The following FER variants were observed in gnomAD, a reference collection of about 807,000 sequenced individuals.
The protein encoded by FER is FER tyrosine kinase.
FER carries 63 observed loss-of-function variants against 111.0 expected under a neutral mutation model. The ratio of observed to expected loss-of-function variants is 0.57; its 90% CI spans 0.46 to 0.70. The LOEUF (loss-of-function observed/expected upper bound fraction) is 0.70. Ranked by LOEUF, FER falls within the 30% of genes least tolerant of loss-of-function variation. The pLI, the probability that FER is intolerant of heterozygous loss-of-function variation, is 0.00. For missense variants in FER, 914 were observed against 954.0 expected, an observed-to-expected ratio of 0.96 and a Z score of 0.55; for synonymous variants, 327 against 313.9, an observed-to-expected ratio of 1.04 and a Z score of -0.44.
At chr5:109,095,289 G>A (rs903849501) in intron 16 of FER, among the ~76,000 whole-genome samples, 1 of 152,060 alleles carries the variant, frequency 6.6e-6, no homozygotes, top group African/African-American at 2.4e-5. Flanking sequence ...AGGAAAGCCA[G>A]TATGTTTTTG....
intron 10 of FER, among the ~76,000 whole-genome samples, chr5:108,926,926 GAAGT>G (rs1383176367): frequency 1.3e-5 from 2 of 152,094 alleles, no homozygotes; most frequent in Non-Finnish European, 2.9e-5. Context: ...ATTTTAGGCA[GAAGT>G]TGTCCTTTTA....
At chr5:109,034,650 T>TTTAG (rs1770109722) in intron 13 of FER, among the ~76,000 whole-genome samples, 1 of 152,080 alleles carries the variant, frequency 6.6e-6, no homozygotes, top group South Asian at 2.1e-4. Flanking sequence ...TAAATGGATG[T>TTTAG]TTAGGGGTTT....
chr5:108,782,100 C>T (rs1370320806), intron 2 of FER, among the ~76,000 whole-genome samples: 2 of 152,138 alleles, frequency 1.3e-5, no homozygotes, highest in South Asian at 4.1e-4. Flanking sequence ...TTTTCCTACC[C>T]TGCACTGGTT....
Position 109,047,721 on chromosome 5 carries a change from C to T in FER, c.1924+523C>T, listed in dbSNP as rs559519815. Among the ~76,000 whole-genome samples the T allele has an allele frequency of 1.2e-4, 18 of 152,174 alleles. No homozygotes were observed. The East Asian group carries it at 2.9e-3, about 24-fold the overall frequency. ...AAGTGCTGGGATTACAGACATGAGCCGCAGCACCCTGCAAAACCTCTTTTT... is the reference window on the plus strand; with the variant it reads ...AAGTGCTGGGATTACAGACATGAGCTGCAGCACCCTGCAAAACCTCTTTTT... On this transcript the variant is annotated intron_variant, in intron 16 of 19. Coordinates refer to ENST00000281092, the MANE Select transcript of FER (RefSeq NM_005246.4).
rs115895103 is a variant in FER at position 109,059,320 on chromosome 5, C to G, written c.1924+12122C>G. ...AGCTTTTAAGAATTATGGGATTTCTCAAGACCATCCTGGCCAACATGGTGA... is the reference window on the plus strand; with the variant it reads ...AGCTTTTAAGAATTATGGGATTTCTGAAGACCATCCTGGCCAACATGGTGA... On this transcript the variant is annotated intron_variant, in intron 16 of 19. Coordinates refer to ENST00000281092, the MANE Select transcript of FER (RefSeq NM_005246.4). Among the ~76,000 whole-genome samples the G allele has an allele frequency of 9.8e-3, 1,476 of 150,934 alleles. 17 individuals are homozygous for G. Among genetic ancestry groups the G allele is most frequent in the African/African-American group, 0.034 (1,400 of 41,044 alleles).
At chr5:108,781,930 T>A (rs961200115) in intron 2 of FER, among the ~76,000 whole-genome samples, 1 of 152,042 alleles carries the variant, frequency 6.6e-6, no homozygotes, top group Non-Finnish European at 1.5e-5. Flanking sequence ...TTTTTTTTTT[T>A]TCCCCCACCC....
At chr5:108,879,701 AATATAT>A (rs1554084618) in intron 8 of FER, among the ~76,000 whole-genome samples, 5 of 99,126 alleles carry the variant, frequency 5.0e-5, no homozygotes, top group Non-Finnish European at 7.9e-5. Context: ...ATTAAAAAAA[AATATAT>A]ATATATATAT....
At chr5:109,142,449 T>G (rs1475057758) in intron 17 of FER, among the ~76,000 whole-genome samples, 1 of 152,046 alleles carries the variant, frequency 6.6e-6, no homozygotes, top group Non-Finnish European at 1.5e-5. Flanking sequence ...TCTGGAAAAT[T>G]TTCATCAAAG....
intron 17 of FER, among the ~76,000 whole-genome samples, chr5:109,131,453 G>A (rs887147935): frequency 1.3e-5 from 2 of 151,598 alleles, no homozygotes; most frequent in Non-Finnish European, 2.9e-5. Context: ...GACAATAGTT[G>A]GTTAATATTA....
chr5:109,146,264 A>AT (rs1358467657), intron 17 of FER, among the ~76,000 whole-genome samples: 14 of 95,248 alleles, frequency 1.5e-4, no homozygotes, highest in African/African-American at 5.4e-4. Flanking sequence ...ATATATATAT[A>AT]TATATATATA....
At chr5:108,945,220 A>C (rs1033599451) in intron 10 of FER, among the ~76,000 whole-genome samples, 1 of 152,074 alleles carries the variant, frequency 6.6e-6, no homozygotes, top group African/African-American at 2.4e-5. Flanking sequence ...TGACAAAAGG[A>C]TCTCTTGTTC....
At chr5:108,891,262 A>C (rs1039915871) in intron 9 of FER, among the ~76,000 whole-genome samples, 3 of 151,380 alleles carry the variant, frequency 2.0e-5, no homozygotes, top group Admixed American at 6.6e-5. Context: ...TTAACTCTGC[A>C]CTCTTTATAT....
intron 13 of FER, among the ~76,000 whole-genome samples, chr5:109,023,662 C>CT (rs202160689): frequency 1.4e-4 from 21 of 148,310 alleles, no homozygotes; most frequent in East Asian, 7.9e-4. Context: ...TTTTTTGTAA[C>CT]TTTTTTTTTT....
intron 18 of FER, among the ~76,000 whole-genome samples, chr5:109,181,353 T>C (rs753613126): frequency 2.6e-5 from 4 of 152,192 alleles, no homozygotes; most frequent in African/African-American, 7.2e-5. Flanking sequence ...GGAACTGATA[T>C]AAATCTTGAG....
intron 8 of FER, among the ~76,000 whole-genome samples, chr5:108,882,572 C>T (rs925106889): frequency 6.6e-6 from 1 of 151,820 alleles, no homozygotes; most frequent in Non-Finnish European, 1.5e-5. Flanking sequence ...ACGAAAAGGG[C>T]TCTTTCTGGT....
intron 10 of FER, among the ~76,000 whole-genome samples, chr5:108,942,012 A>G (rs150275255): frequency 9.5e-4 from 145 of 152,252 alleles, no homozygotes; most frequent in Middle Eastern, 3.4e-3. Context: ...GAGGCTGTGC[A>G]TGTGTGGGGG....
intron 10 of FER, among the ~76,000 whole-genome samples, chr5:108,931,180 G>C (rs1021495061): frequency 6.6e-6 from 1 of 152,166 alleles, no homozygotes; most frequent in Non-Finnish European, 1.5e-5. Context: ...AGTTAGTGCT[G>C]CTGTCAGTGT....
At chr5:109,167,826 G>C (rs1262724313) in intron 17 of FER, among the ~76,000 whole-genome samples, 1 of 152,130 alleles carries the variant, frequency 6.6e-6, no homozygotes, top group Non-Finnish European at 1.5e-5. Flanking sequence ...CTATAGTCTA[G>C]ACAAGCAGGG....
rs1222831253 is a variant in FER at position 109,190,500 on chromosome 5, A to T, written c.*2925A>T. 1 of 152,164 alleles carries T rather than the reference A, an allele frequency of 6.6e-6. No individual in the cohort carries two copies. The highest frequency in any genetic ancestry group is 1.5e-5 in the Non-Finnish European group (1 of 68,012). 9.4% of individuals were successfully genotyped at this position (152,164 alleles called of 1,614,324 possible). On this transcript the variant is annotated 3_prime_UTR_variant, in exon 20 of 20. Transcript: ENST00000281092. Reference sequence around the variant, plus strand: ...TATGAGACAGTTTAGGTTGTTCATCATTTCACAAGGAAAGAAATTTTTCAC... The same window carrying T: ...TATGAGACAGTTTAGGTTGTTCATCTTTTCACAAGGAAAGAAATTTTTCAC...
Sources: allele counts gnomAD v4.1 joint callset (sites outside exome capture counted in the v4.1 genomes callset), GRCh38; gene constraint gnomAD v4.1.1; transcripts MANE v1.5; gene names NCBI Gene and HGNC (gene_info 2026-07-23, HGNC 2026-07-21).